The following SLC27A2 variants were observed in gnomAD, a reference collection of about 807,000 sequenced individuals.
The protein encoded by SLC27A2 is solute carrier family 27 member 2, also known as long-chain fatty acid transport protein 2.
A neutral mutation model predicts 60.0 loss-of-function variants in SLC27A2; 54 were observed. The observed-to-expected ratio is 0.90, with a 90% CI of 0.72 to 1.13. SLC27A2 has a LOEUF of 1.13. SLC27A2 is among the 50% of genes most tolerant of loss of function. SLC27A2 has a pLI of 0.00. For synonymous variants in SLC27A2, 297 were observed against 297.6 expected (o/e 1.00, Z 0.02); for missense variants, 739 against 777.6 (o/e 0.95, Z 0.59).
At chr15:50,187,205 A>G (rs1412077678) in intron 1 of SLC27A2, among the ~76,000 whole-genome samples, 1 of 152,226 alleles carries the variant, frequency 6.6e-6, no homozygotes, top group Non-Finnish European at 1.5e-5. Context: ...CCCAGAGAAT[A>G]TGACTTTCTC....
intron 4 of SLC27A2, among the ~76,000 whole-genome samples, chr15:50,218,782 A>T (rs531634977): frequency 1.3e-5 from 2 of 152,322 alleles, no homozygotes; most frequent in African/African-American, 4.8e-5. Context: ...AACAGAATGA[A>T]AAAAAAGCAG....
In SLC27A2 at chr15:50,235,965, C is replaced by T. The variant is rs2045348932; in HGVS notation, c.1732C>T (p.Leu578=). Residue 578 remains leucine, a synonymous_variant, in exon 10 of 10, where the codon CTG becomes TTG. Transcript: ENST00000267842. The part of the protein sequence containing the change: ...TGTFKHRKMT[L]VEEGFNPAVI... ...AACTTTTAAACACCGCAAAATGACC[C>T]TGGTGGAGGAGGGCTTTAACCCTGC... 6.2e-7 allele frequency: 1 copy of T among 1,613,684 alleles called. No homozygotes were observed. The highest frequency in any genetic ancestry group is 1.3e-5 in the African/African-American group (1 of 74,902).
chr15:50,222,363 C>A (rs1015469783), intron 4 of SLC27A2, among the ~76,000 whole-genome samples: 5 of 152,198 alleles, frequency 3.3e-5, no homozygotes, highest in Non-Finnish European at 7.3e-5. Flanking sequence ...CTCTTCCCTG[C>A]AGTTCCCACA....
chr15:50,224,129 A>C (rs1166605662), intron 5 of SLC27A2, among the ~76,000 whole-genome samples: 5 of 152,196 alleles, frequency 3.3e-5, no homozygotes, highest in South Asian at 2.1e-4. Flanking sequence ...CACACTCGAT[A>C]AGGGAAAAGG....
At chr15:50,204,442 G>C (rs547524037) in intron 3 of SLC27A2, among the ~76,000 whole-genome samples, 1 of 151,906 alleles carries the variant, frequency 6.6e-6, no homozygotes, top group Non-Finnish European at 1.5e-5. Flanking sequence ...GGGCAATAGA[G>C]TGAGACCCGG....
At chr15:50,222,638 T>G (rs778285619) in intron 4 of SLC27A2, among the ~76,000 whole-genome samples, 5 of 152,174 alleles carry the variant, frequency 3.3e-5, no homozygotes, top group African/African-American at 9.7e-5. Flanking sequence ...TTAGATTGGA[T>G]ATGGATTAAA....
In SLC27A2 at chr15:50,182,228, C is replaced by G; in HGVS notation, c.-200C>G. The G allele has an allele frequency of 1.2e-6, 1 of 831,104 alleles. No homozygotes were observed. Among genetic ancestry groups the G allele is most frequent in the Non-Finnish European group, 1.6e-6 (1 of 619,768 alleles). The allele number at this position is 831,104 out of a possible 1,614,324, so 51.5% of individuals were successfully genotyped here. ...CCCGGAACCCCCGGCAACGCGCATA[C>G]GACTACACCTGCTCCGGAGCCCGCG... On this transcript the variant is annotated 5_prime_UTR_variant, in exon 1 of 10. Transcript: ENST00000267842.
In SLC27A2 at chr15:50,182,327, C is replaced by G; in HGVS notation, c.-101C>G. 7.4e-7 allele frequency: 1 copy of G among 1,344,910 alleles called. No individual in the cohort carries two copies. The highest frequency in any genetic ancestry group is 9.5e-7 in the Non-Finnish European group (1 of 1,049,656). The allele number at this position is 1,344,910 out of a possible 1,614,324, so 83.3% of individuals were successfully genotyped here. A position where few individuals can be genotyped will look rare whatever the true frequency, so the allele number is the denominator to read the frequency against. On this transcript the variant is annotated 5_prime_UTR_variant, in exon 1 of 10. Transcript: ENST00000267842. The stretch of plus-strand genomic sequence containing the variant: ...GCCCGGCGTCCCGCCGCGTGCGCCC[C>G]GGCGCAGCCCGCCAGTCCGCCCGGA...
At chr15:50,225,213 A>G (rs1402499884) in intron 5 of SLC27A2, among the ~76,000 whole-genome samples, 8 of 152,328 alleles carry the variant, frequency 5.3e-5, no homozygotes, top group African/African-American at 1.9e-4. Flanking sequence ...TAAATTTGAA[A>G]TAGACACAGT....
intron 1 of SLC27A2, among the ~76,000 whole-genome samples, chr15:50,186,996 T>C (rs2044930336): frequency 6.6e-6 from 1 of 152,208 alleles, no homozygotes; most frequent in African/African-American, 2.4e-5. Context: ...AATTCTGCAG[T>C]ATATGTAAAG....
chr15:50,198,037 C>T (rs186435549), intron 2 of SLC27A2, among the ~76,000 whole-genome samples: 3 of 152,126 alleles, frequency 2.0e-5, no homozygotes, highest in Admixed American at 2.0e-4. Context: ...GATTATATTA[C>T]ATCCAGAGTC....
At chr15:50,186,455 T>TTTGTTTC (rs2044923841) in intron 1 of SLC27A2, among the ~76,000 whole-genome samples, 5 of 145,056 alleles carry the variant, frequency 3.4e-5, no homozygotes, top group African/African-American at 1.3e-4. Flanking sequence ...TTGTTTGTTT[T>TTTGTTTC]TGAGACAGTC....
chr15:50,202,593 C>G lies in SLC27A2; in HGVS notation c.795C>G (p.Pro265=). ...ATGATGTCATCTATATCACTCTGCC[C>G]TTTTACCACAGTGCTGCACTACTGA... ...KADDVIYITL[P]FYHSAALLIG... is the part of the protein sequence containing the mutation. The change falls in exon 3 of 10, where the codon CCC becomes CCG. Residue 265 remains proline, a synonymous_variant. Coordinates refer to ENST00000267842, the MANE Select transcript of SLC27A2 (RefSeq NM_003645.4). 1 of 1,614,100 alleles carries G rather than the reference C, an allele frequency of 6.2e-7. No individual in the cohort carries two copies. Among genetic ancestry groups the G allele is most frequent in the Non-Finnish European group, 8.5e-7 (1 of 1,179,980 alleles).
At chr15:50,221,749 A>C (rs1468963126) in intron 4 of SLC27A2, 2 of 152,254 alleles carry the variant, frequency 1.3e-5, no homozygotes, top group Non-Finnish European at 2.9e-5. Flanking sequence ...TTCATTCTGT[A>C]TCCTGATAGA....
At chr15:50,234,828 C>T (rs2045339816) in intron 9 of SLC27A2, among the ~76,000 whole-genome samples, 2 of 152,124 alleles carry the variant, frequency 1.3e-5, no homozygotes, top group South Asian at 2.1e-4. Flanking sequence ...AATGACAGGC[C>T]AGTTCATTCA....
rs553479578 is a variant in SLC27A2 at position 50,200,734 on chromosome 15, A to G, written c.689-1753A>G. On this transcript the variant is annotated intron_variant, in intron 2 of 9. Coordinates refer to ENST00000267842, the MANE Select transcript of SLC27A2 (RefSeq NM_003645.4). ...TTCTTCCATGGGAAACAACATAAGCATACACTTACAGAAGAAAATCTTACA... is the reference window on the plus strand; with the variant it reads ...TTCTTCCATGGGAAACAACATAAGCGTACACTTACAGAAGAAAATCTTACA... Among the ~76,000 whole-genome samples the G allele has an allele frequency of 7.9e-5, 12 of 152,224 alleles. No individual in the cohort carries two copies. In the South Asian group the frequency reaches 2.3e-3, roughly 29 times the overall value.
chr15:50,228,332 G>A lies in SLC27A2; in HGVS notation c.1458-613G>A, dbSNP rs1450377794. 1.7e-5 allele frequency among the ~76,000 whole-genome samples: 2 copies of A among 120,650 alleles called. 1 individual carries two copies. Among genetic ancestry groups the A allele is most frequent in the South Asian group, 5.2e-4 (2 of 3,846 alleles). 79.2% of individuals were successfully genotyped at this position (120,650 alleles called of 152,430 possible). A position where few individuals can be genotyped will look rare whatever the true frequency, so the allele number is the denominator to read the frequency against. ...ACGGAGGTTGCAGTGAGCTGAGATTGCACCACTGCACTCCAGCCTAAGTGA... is the reference window on the plus strand; with the variant it reads ...ACGGAGGTTGCAGTGAGCTGAGATTACACCACTGCACTCCAGCCTAAGTGA... On this transcript the variant is annotated intron_variant, in intron 7 of 9. Coordinates refer to ENST00000267842, the MANE Select transcript of SLC27A2 (RefSeq NM_003645.4).
intron 1 of SLC27A2, among the ~76,000 whole-genome samples, chr15:50,194,524 T>A (rs1344823014): frequency 6.6e-6 from 1 of 152,142 alleles, no homozygotes; most frequent in East Asian, 1.9e-4. Flanking sequence ...GAGAGTGGAT[T>A]CTATCACAAG....
At chr15:50,204,362 A>G (rs1014618835) in intron 3 of SLC27A2, among the ~76,000 whole-genome samples, 36 of 152,100 alleles carry the variant, frequency 2.4e-4, no homozygotes, top group Non-Finnish European at 5.1e-4. Flanking sequence ...AGCTACTTAG[A>G]GGCTGAGGCA....
Sources: allele counts gnomAD v4.1 joint callset (sites outside exome capture counted in the v4.1 genomes callset), GRCh38; gene constraint gnomAD v4.1.1; transcripts MANE v1.5; gene names NCBI Gene and HGNC (gene_info 2026-07-23, HGNC 2026-07-21).